The following BRAT1 variants were observed in gnomAD, a reference collection of about 807,000 sequenced individuals.
BRAT1 encodes integrator complex assembly factor BRAT1.
A neutral mutation model predicts 70.6 loss-of-function variants in BRAT1; 74 were observed. The observed-to-expected ratio is 1.05, with a 90% CI of 0.87 to 1.27. The LOEUF is 1.27. Ranked by LOEUF, BRAT1 falls within the 50% of genes most tolerant of loss-of-function variation. The probability of loss-of-function intolerance (pLI) is 0.00; values close to 1 mark genes in which losing one functional copy is unlikely to be tolerated. For missense variants in BRAT1, 1,203 were observed against 1,098.2 expected, an observed-to-expected ratio of 1.10 and a Z score of -1.35; for synonymous variants, 615 against 517.1, an observed-to-expected ratio of 1.19 and a Z score of -2.57.
At position 2,538,026 on chromosome 7, in the gene BRAT1, GCCTC is replaced by G; in HGVS notation, c.*39_*42del. The G allele has an allele frequency of 6.6e-7, 1 of 1,505,758 alleles. No individual in the cohort carries two copies. The highest frequency in any genetic ancestry group is 8.9e-7 in the Non-Finnish European group (1 of 1,126,932). The allele number at this position is 1,505,758 out of a possible 1,614,324, so 93.3% of individuals were successfully genotyped here. On this transcript the variant is annotated 3_prime_UTR_variant, in exon 14 of 14. Transcript: ENST00000340611. ...GTGTCCCACAGAAGGACATGGTGCTGCCTCCCTTGGTCCTGAGCCCCAGTGGCAG... is the reference window on the plus strand; with the variant it reads ...GTGTCCCACAGAAGGACATGGTGCTGCCTTGGTCCTGAGCCCCAGTGGCAG...
Position 2,542,114 on chromosome 7 carries a change from G to GCA in BRAT1, c.1015+4_1015+5dup. 1 of 1,532,138 alleles carries GCA rather than the reference G, an allele frequency of 6.5e-7. No homozygotes were observed. The highest frequency in any genetic ancestry group is 1.4e-5 in the African/African-American group (1 of 72,572). The allele number at this position is 1,532,138 out of a possible 1,614,324, so 94.9% of individuals were successfully genotyped here. The stretch of plus-strand genomic sequence containing the variant: ...CTGCCCTCCCAGCCCTTTCTAAGCA[G>GCA]CACACCTGGGGGTCCGGGGGCCTGA... On this transcript the variant is annotated splice_donor_region_variant and intron_variant, in intron 7 of 13. Coordinates refer to ENST00000340611, the MANE Select transcript of BRAT1 (RefSeq NM_152743.4).
In BRAT1 at chr7:2,538,487, G is replaced by A; in HGVS notation, c.2048C>T (p.Ala683Val). The change falls in exon 14 of 14, where the codon GCC becomes GTC. Residue 683 changes from alanine (A) to valine (V), a missense_variant. Coordinates refer to ENST00000340611, the MANE Select transcript of BRAT1 (RefSeq NM_152743.4). ...CPYAVALPEV[A>V]PAQPLTEALR... ...TGCCTCGGTGAGTGGCTGGGCTGGG[G>A]CCACCTCGGGTAGGGCCACGGCATA... The A allele has an allele frequency of 6.2e-7, 1 of 1,611,770 alleles. No individual in the cohort carries two copies. Among genetic ancestry groups the A allele is most frequent in the Non-Finnish European group, 8.5e-7 (1 of 1,179,856 alleles).
At position 2,543,128 on chromosome 7, in the gene BRAT1, G is replaced by A. The variant is rs1224391084; in HGVS notation, c.923+76C>T. 6.8e-7 allele frequency: 1 copy of A among 1,478,428 alleles called. No individual in the cohort carries two copies. Among genetic ancestry groups the A allele is most frequent in the Non-Finnish European group, 9.0e-7 (1 of 1,111,534 alleles). 91.6% of individuals were successfully genotyped at this position (1,478,428 alleles called of 1,614,324 possible). On this transcript the variant is annotated intron_variant, in intron 6 of 13. Transcript: ENST00000340611. The surrounding 1 kb of genome is among the most constrained non-coding windows in gnomAD (Gnocchi z 5.5). Reference sequence around the variant, plus strand: ...GGTGTCCGGAACTCCCCTGCCATGAGGGCTGCGCTCTCAACCTCCCTGCCT... The same window carrying A: ...GGTGTCCGGAACTCCCCTGCCATGAAGGCTGCGCTCTCAACCTCCCTGCCT...
rs917326502 is a variant in BRAT1, at chr7:2,542,379, G to A, written c.924-168C>T. ...AGGGGATGCCATGGGACAGAGTGGC[G>A]GGGAGGACAGGCCTGACCAAGGAGA... On this transcript the variant is annotated intron_variant, in intron 6 of 13. Coordinates refer to ENST00000340611, the MANE Select transcript of BRAT1 (RefSeq NM_152743.4). 5.3e-5 allele frequency: 34 copies of A among 642,440 alleles called. No individual in the cohort carries two copies. In the Middle Eastern group the frequency reaches 1.0e-3, roughly 19 times the overall value. The allele number at this position is 642,440 out of a possible 1,614,324, so 39.8% of individuals were successfully genotyped here.
rs141417232 is a variant in BRAT1 at position 2,550,057 on chromosome 7, G to C, written c.128-2579C>G. On this transcript the variant is annotated intron_variant, in intron 2 of 13. Transcript: ENST00000340611. ...GTGTCCCTGTAGTCCCAGCCATCCA[G>C]GAGGCTGGGGTGGGAGGATCACTTG... Among the ~76,000 whole-genome samples the C allele has an allele frequency of 7.8e-3, 1,191 of 152,066 alleles. 18 individuals carry two copies. The highest frequency in any genetic ancestry group is 0.028 in the African/African-American group (1,149 of 41,470).
At chr7:2,545,148 G>A (rs915384121) in intron 3 of BRAT1, 92 bp from the exon 4 acceptor site, 9 of 1,351,506 alleles carry the variant, frequency 6.7e-6, no homozygotes, top group East Asian at 5.6e-5. Flanking sequence ...GGCAGATCAC[G>A]AGGTCAGGAG....
In BRAT1 at chr7:2,539,839, G is replaced by A; in HGVS notation, c.1445C>T (p.Pro482Leu). The change falls in exon 11 of 14, where the codon CCC becomes CTC. Residue 482 changes from proline (P) to leucine (L), a missense_variant. Pro to Leu is a moderately conservative substitution (Grantham distance 98). Transcript: ENST00000340611. ...QATLRWLLSSPKTPGCSDLGP... is the reference protein window; with the variant it reads ...QATLRWLLSSLKTPGCSDLGP... ...GAGATCAGAGCAGCCGGGGGTCTTG[G>A]GTGAGCTCAGGAGCCACCTGAGCGT... is the stretch of plus-strand genomic sequence containing the variant. 1 of 1,607,974 alleles carries A rather than the reference G, an allele frequency of 6.2e-7. No homozygotes were observed. The highest frequency in any genetic ancestry group is 8.5e-7 in the Non-Finnish European group (1 of 1,177,476).
rs369784573 is a variant in BRAT1 at position 2,543,925 on chromosome 7, G to A, written c.468C>T (p.Ser156=). Residue 156 remains serine, a synonymous_variant, in exon 5 of 14, where the codon TCC becomes TCT. Coordinates refer to ENST00000340611, the MANE Select transcript of BRAT1 (RefSeq NM_152743.4). This position sits in a 1 kb window ranked among gnomAD's most constrained non-coding sequence, Gnocchi z 5.5. The stretch of plus-strand genomic sequence containing the variant: ...TGGCCGCCGAGGCCACAAACAGGCT[G>A]GAGTCTCCCTGCAGGGAGAAGATGG... ...VDTIFSLQGD[S]SLFVASAASQ... 42 of 1,602,606 alleles carry A rather than the reference G, an allele frequency of 2.6e-5. No individual in the cohort carries two copies. Among genetic ancestry groups the A allele is most frequent in the Non-Finnish European group, 3.5e-5 (41 of 1,172,732 alleles).
At chr7:2,546,623 T>C (rs1001343670) in intron 3 of BRAT1, among the ~76,000 whole-genome samples, 2 of 151,166 alleles carry the variant, frequency 1.3e-5, no homozygotes, top group Non-Finnish European at 2.9e-5. Context: ...TAGTCCCAGA[T>C]ACTCGGGAGG....
rs1778805689 is a variant in BRAT1 at position 2,537,916 on chromosome 7, T to C, written c.*153A>G. 8.0e-7 allele frequency: 1 copy of C among 1,251,356 alleles called. No homozygotes were observed. Among genetic ancestry groups the C allele is most frequent in the Non-Finnish European group, 1.0e-6 (1 of 961,740 alleles). The allele number at this position is 1,251,356 out of a possible 1,614,324, so 77.5% of individuals were successfully genotyped here. A position where few individuals can be genotyped will look rare whatever the true frequency, so the allele number is the denominator to read the frequency against. ...AAGTCATTTCTTTAATACATCAAAC[T>C]GTGGGATTTCTTGACCTTGCTTCTC... is the stretch of plus-strand genomic sequence containing the variant. On this transcript the variant is annotated 3_prime_UTR_variant, in exon 14 of 14. Coordinates refer to ENST00000340611, the MANE Select transcript of BRAT1 (RefSeq NM_152743.4).
intron 4 of BRAT1, 104 bp downstream of exon 4, chr7:2,544,805 T>C: frequency 6.8e-7 from 1 of 1,465,340 alleles, no homozygotes; most frequent in Non-Finnish European, 9.1e-7. Flanking sequence ...GCAACAACCC[T>C]GAGACATCGC....
intron 10 of BRAT1, 170 bp downstream of exon 10, chr7:2,540,809 G>A: frequency 1.6e-6 from 1 of 643,794 alleles, no homozygotes; most frequent in Non-Finnish European, 2.4e-6. Context: ...AAGAGGCCCT[G>A]GGCCCGCCCC....
intron 2 of BRAT1, among the ~76,000 whole-genome samples, chr7:2,547,886 C>T (rs1418478337): frequency 1.3e-5 from 2 of 152,064 alleles, no homozygotes; most frequent in African/African-American, 4.8e-5. Flanking sequence ...AGTTCGAGAC[C>T]AGCCTGGCCA....
intron 8 of BRAT1, 56 bp downstream of exon 8, chr7:2,541,662 G>A (rs921230653): frequency 4.7e-5 from 72 of 1,540,404 alleles, no homozygotes; most frequent in African/African-American, 3.3e-4. Flanking sequence ...CCTACGTTGC[G>A]GTCCCACCGC....
chr7:2,544,802 C>A, intron 4 of BRAT1, 107 bp downstream of exon 4: 1 of 1,462,024 alleles, frequency 6.8e-7, no homozygotes, highest in Non-Finnish European at 9.1e-7. Context: ...TTTGCAACAA[C>A]CCTGAGACAT....
chr7:2,554,243 C>T (rs1780245327), intron 2 of BRAT1, 62 bp downstream of exon 2: 4 of 1,589,456 alleles, frequency 2.5e-6, no homozygotes, highest in Non-Finnish European at 3.4e-6. Context: ...GCCCCTGCTC[C>T]CTGTCCCAGC....
chr7:2,538,697 A>G lies in BRAT1; in HGVS notation c.1838T>C (p.Met613Thr), dbSNP rs1195720463. Reference protein sequence around the residue: ...DSEGFPRRAVMQVFTEWLRDG... With the variant: ...DSEGFPRRAVTQVFTEWLRDG... ...CCGCAGCCACTCAGTGAAGACTTGC[A>G]TGACCGCCCGCCGTGGGAAGCCCTC... Residue 613 changes from methionine to threonine, a missense_variant, in exon 14 of 14, where the codon ATG (methionine) becomes ACG (threonine). By Grantham distance (81) the Met-to-Thr change is moderately conservative. Coordinates refer to ENST00000340611, the MANE Select transcript of BRAT1 (RefSeq NM_152743.4). 2 of 1,598,378 alleles carry G rather than the reference A, an allele frequency of 1.3e-6. No individual in the cohort carries two copies. The highest frequency in any genetic ancestry group is 1.1e-5 in the South Asian group (1 of 91,086).
intron 7 of BRAT1, 71 bp from the exon 8 acceptor site, chr7:2,541,907 G>C (rs978896880): frequency 6.6e-7 from 1 of 1,510,692 alleles, no homozygotes; most frequent in African/African-American, 1.4e-5. Context: ...GCCACCCCAC[G>C]GTCACCACCC....
intron 2 of BRAT1, among the ~76,000 whole-genome samples, chr7:2,549,822 C>T (rs1779869075): frequency 1.3e-5 from 2 of 152,142 alleles, no homozygotes; most frequent in South Asian, 4.1e-4. Context: ...GATGTAGCAA[C>T]AGAAATAGCA....
Sources: gnomAD v4.1 joint callset for allele counts (sites outside exome capture counted in the v4.1 genomes callset) on GRCh38, gnomAD v4.1.1 for gene constraint, Gnocchi (gnomAD v3.1) non-coding constraint, MANE v1.5 for transcripts, NCBI Gene and HGNC (gene_info 2026-07-23, HGNC 2026-07-21) for gene names.